SCD5: variants seen among roughly 807,000 people sequenced by gnomAD.
SCD5 encodes stearoyl-CoA desaturase 5, also known as acyl-CoA-desaturase 4.
In SCD5, 20 loss-of-function variants were observed where a neutral mutation model predicts 30.4. The observed-to-expected ratio is 0.66, with a 90% CI of 0.46 to 0.96. The LOEUF is 0.96. Among genes scored for constraint, SCD5 ranks in the 40% least tolerant of loss-of-function variants. The probability of loss-of-function intolerance (pLI) is 0.00; values close to 1 mark genes in which losing one functional copy is unlikely to be tolerated. For synonymous variants in SCD5, 173 were observed against 176.4 expected, an observed-to-expected ratio of 0.98 and a Z score of 0.16; for missense variants, 381 against 443.3, an observed-to-expected ratio of 0.86 and a Z score of 1.26.
At chr4:82,645,604 G>A (rs1285817638) in intron 3 of SCD5, among the ~76,000 whole-genome samples, 5 of 152,142 alleles carry the variant, frequency 3.3e-5, no homozygotes, top group Non-Finnish European at 5.9e-5. Context: ...TACCACAATT[G>A]GGAAGACGTT....
intron 3 of SCD5, among the ~76,000 whole-genome samples, chr4:82,675,816 C>G (rs1251800280): frequency 6.6e-6 from 1 of 152,178 alleles, no homozygotes; most frequent in African/African-American, 2.4e-5. Context: ...ACTTGGTTCA[C>G]AAAAAATAAG....
chr4:82,764,230 C>A (rs1056258639), intron 1 of SCD5, among the ~76,000 whole-genome samples: 2 of 152,070 alleles, frequency 1.3e-5, no homozygotes, highest in African/African-American at 4.8e-5. Flanking sequence ...TGCTCAAGAG[C>A]CACATGTGAC....
At chr4:82,746,821 ATG>A in intron 1 of SCD5, among the ~76,000 whole-genome samples, 1 of 152,112 alleles carries the variant, frequency 6.6e-6, no homozygotes, top group Admixed American at 6.5e-5. Flanking sequence ...TCCTGCGCCC[ATG>A]GACCCAAGCG....
chr4:82,655,994 A>C (rs969237904), intron 3 of SCD5, among the ~76,000 whole-genome samples: 1 of 152,208 alleles, frequency 6.6e-6, no homozygotes, highest in African/African-American at 2.4e-5. Flanking sequence ...AAATGAAAAC[A>C]CTGTAGACAT....
At chr4:82,756,878 G>A (rs1721245998) in intron 1 of SCD5, among the ~76,000 whole-genome samples, 1 of 152,066 alleles carries the variant, frequency 6.6e-6, no homozygotes, top group Non-Finnish European at 1.5e-5. Flanking sequence ...AACTGTTGTT[G>A]TTGTTGAGAG....
intron 3 of SCD5, among the ~76,000 whole-genome samples, chr4:82,658,284 A>T (rs1196892937): frequency 1.3e-5 from 2 of 152,062 alleles, no homozygotes; most frequent in African/African-American, 4.8e-5. Flanking sequence ...TACCTAGTTT[A>T]TTGAGAGTTT....
intron 1 of SCD5, among the ~76,000 whole-genome samples, chr4:82,770,156 G>T (rs926902670): frequency 6.6e-6 from 1 of 151,642 alleles, no homozygotes; most frequent in Non-Finnish European, 1.5e-5. Flanking sequence ...TTTACATTAG[G>T]TATATCTCCT....
chr4:82,761,576 C>CT (rs1300978212), intron 1 of SCD5, among the ~76,000 whole-genome samples: 213 of 149,394 alleles, frequency 1.4e-3, no homozygotes, highest in African/African-American at 2.7e-3. Flanking sequence ...AGCCTCGTTT[C>CT]TTTTTTTTTT....
intron 1 of SCD5, among the ~76,000 whole-genome samples, chr4:82,774,840 G>A (rs1721713044): frequency 6.6e-6 from 1 of 152,198 alleles, no homozygotes; most frequent in African/African-American, 2.4e-5. Context: ...CTTTGAGACT[G>A]ATGGAGGAAT....
chr4:82,714,439 A>T (rs1720179099), intron 1 of SCD5, among the ~76,000 whole-genome samples: 1 of 152,174 alleles, frequency 6.6e-6, no homozygotes, highest in South Asian at 2.1e-4. Flanking sequence ...TGAACAAATC[A>T]TTACTGGGTG....
chr4:82,797,715 G>A (rs549091410), intron 1 of SCD5, among the ~76,000 whole-genome samples: 25 of 152,080 alleles, frequency 1.6e-4, no homozygotes, highest in African/African-American at 5.8e-4. Flanking sequence ...ATTGCGGAGG[G>A]GGCAGGGACA....
chr4:82,706,218 G>A (rs1483848796), intron 1 of SCD5, among the ~76,000 whole-genome samples: 1 of 151,976 alleles, frequency 6.6e-6, no homozygotes, highest in African/African-American at 2.4e-5. Context: ...CAACTAGCAA[G>A]TAGTCAGGGA....
chr4:82,725,760 T>A (rs973294537), intron 1 of SCD5, among the ~76,000 whole-genome samples: 1 of 151,946 alleles, frequency 6.6e-6, no homozygotes, highest in Non-Finnish European at 1.5e-5. Flanking sequence ...CCCAGAAGGC[T>A]GAGGTGGGAA....
At chr4:82,743,588 A>G (rs546812293) in intron 1 of SCD5, among the ~76,000 whole-genome samples, 1 of 152,174 alleles carries the variant, frequency 6.6e-6, no homozygotes, top group East Asian at 1.9e-4. Context: ...TCGTGCAATC[A>G]CGGGCTCACC....
chr4:82,713,733 C>G (rs1720159897), intron 1 of SCD5, among the ~76,000 whole-genome samples: 3 of 152,200 alleles, frequency 2.0e-5, no homozygotes, highest in Admixed American at 2.0e-4. Flanking sequence ...ACTTTAAAAT[C>G]ATGACCACTA....
intron 3 of SCD5, among the ~76,000 whole-genome samples, chr4:82,653,408 G>C (rs1727795964): frequency 6.6e-6 from 1 of 152,036 alleles, no homozygotes; most frequent in African/African-American, 2.4e-5. Context: ...CACATTAGAA[G>C]GTGTTTCCTA....
chr4:82,705,259 A>T (rs756987976), intron 2 of SCD5, 24 bp downstream of exon 2: 2 of 1,613,396 alleles, frequency 1.2e-6, no homozygotes, highest in Non-Finnish European at 1.7e-6. Flanking sequence ...GTCTCCCAAC[A>T]CAGAGAGGAC....
At chr4:82,639,898 C>T (rs1433536251) in intron 3 of SCD5, among the ~76,000 whole-genome samples, 1 of 152,216 alleles carries the variant, frequency 6.6e-6, no homozygotes, top group Non-Finnish European at 1.5e-5. Flanking sequence ...GTCCCCACCC[C>T]CATCTTGCTT....
chr4:82,690,552 T>C (rs1286833181), intron 2 of SCD5, among the ~76,000 whole-genome samples: 6 of 152,234 alleles, frequency 3.9e-5, no homozygotes, highest in Non-Finnish European at 7.3e-5. Context: ...GATGCTGTAA[T>C]AACCTTCTAA....
Sources: allele counts gnomAD v4.1 joint callset (sites outside exome capture counted in the v4.1 genomes callset), GRCh38; gene constraint gnomAD v4.1.1; transcripts MANE v1.5; gene names NCBI Gene and HGNC (gene_info 2026-07-23, HGNC 2026-07-21).